The following IL10RB variants were observed in gnomAD, a reference collection of about 807,000 sequenced individuals.
IL10RB encodes interleukin 10 receptor subunit beta.
Under a neutral mutation model 38.7 loss-of-function variants are expected in IL10RB, and 30 were observed. The ratio of observed to expected loss-of-function variants is 0.78; its 90% CI spans 0.58 to 1.05. The LOEUF (loss-of-function observed/expected upper bound fraction) is 1.05. Ranked by LOEUF, IL10RB falls within the 50% of genes least tolerant of loss-of-function variation. The probability of loss-of-function intolerance (pLI) is 0.00; values close to 1 mark genes in which losing one functional copy is unlikely to be tolerated. For missense variants in IL10RB, 328 were observed against 397.1 expected, an observed-to-expected ratio of 0.83 and a Z score of 1.48; for synonymous variants, 142 against 145.9, an observed-to-expected ratio of 0.97 and a Z score of 0.19.
At chr21:33,284,332 T>C (rs1305534069) in intron 5 of IL10RB, among the ~76,000 whole-genome samples, 2 of 147,318 alleles carry the variant, frequency 1.4e-5, no homozygotes, top group South Asian at 2.2e-4. Flanking sequence ...ACATTTCAAA[T>C]AGCTTGCAAA....
rs368897449 is a variant in IL10RB at position 33,273,549 on chromosome 21, G to A, written c.174-3047G>A. ...TGATCAGGGTAGTGGTTGCTGAGTT[G>A]CAGTGACTGTGACAATTTCTTGAAA... On this transcript the variant is annotated intron_variant, in intron 2 of 6. Transcript: ENST00000290200. Among the ~76,000 whole-genome samples the A allele has an allele frequency of 1.4e-4, 21 of 152,296 alleles. No individual in the cohort carries two copies. In the East Asian group the frequency reaches 2.1e-3, roughly 15 times the overall value.
At chr21:33,283,051 T>C in intron 4 of IL10RB, 43 bp from the exon 5 acceptor site, 1 of 1,537,392 alleles carries the variant, frequency 6.5e-7, no homozygotes, top group Non-Finnish European at 9.0e-7. Context: ...GGTGGTGCCC[T>C]TCCACTGCTT....
chr21:33,269,737 C>T (rs890498862), intron 2 of IL10RB, among the ~76,000 whole-genome samples: 5 of 151,158 alleles, frequency 3.3e-5, no homozygotes, highest in Non-Finnish European at 5.9e-5. Context: ...CGGCTCACTG[C>T]AACCTCTGCC....
chr21:33,295,643 GC>G, intron 6 of IL10RB, among the ~76,000 whole-genome samples: 1 of 134,076 alleles, frequency 7.5e-6, no homozygotes, highest in Middle Eastern at 4.8e-3. Flanking sequence ...CTGCACTCCA[GC>G]CCAGACGACA....
chr21:33,268,090 C>A, intron 1 of IL10RB: 1 of 590,112 alleles, frequency 1.7e-6, no homozygotes, highest in Non-Finnish European at 2.6e-6. Context: ...TTTGTTTTTA[C>A]GTCTGGAAAT....
At chr21:33,298,632 A>G (rs957602713), downstream of IL10RB, among the ~76,000 whole-genome samples, 1 of 152,100 alleles carries the variant, frequency 6.6e-6, no homozygotes, top group Non-Finnish European at 1.5e-5. Flanking sequence ...TAAATAAATA[A>G]TAAAATAAAA....
chr21:33,274,962 C>T (rs1368370657), intron 2 of IL10RB, among the ~76,000 whole-genome samples: 1 of 152,148 alleles, frequency 6.6e-6, no homozygotes, highest in Non-Finnish European at 1.5e-5. Flanking sequence ...AAGGTTGTTT[C>T]ATCTACATTA....
At chr21:33,297,852 AAAAG>A (rs1438986582), downstream of IL10RB, among the ~76,000 whole-genome samples, 4 of 152,080 alleles carry the variant, frequency 2.6e-5, no homozygotes, top group Admixed American at 2.6e-4. Context: ...GAAAAAAAAG[AAAAG>A]AAAGAGAAAA....
chr21:33,268,982 A>G (rs1568902494), intron 2 of IL10RB, among the ~76,000 whole-genome samples: 1 of 152,192 alleles, frequency 6.6e-6, no homozygotes, highest in Non-Finnish European at 1.5e-5. Context: ...TTGCTACCAT[A>G]TATCACCTGT....
intron 1 of IL10RB, among the ~76,000 whole-genome samples, chr21:33,303,350 C>CTTTTTTTTTT (rs11340111): frequency 2.7e-5 from 3 of 109,970 alleles, no homozygotes; most frequent in African/African-American, 3.6e-5. Flanking sequence ...CTGTTACTTT[C>CTTTTTTTTTT]TTTTTTTTTT....
chr21:33,268,480 G>C lies in IL10RB; in HGVS notation c.136G>C (p.Ala46Pro). 1.2e-6 allele frequency: 2 copies of C among 1,614,090 alleles called. No homozygotes were observed. The highest frequency in any genetic ancestry group is 1.1e-5 in the South Asian group (1 of 91,072). Residue 46 changes from alanine (A) to proline (P), a missense_variant, in exon 2 of 7, where the codon GCC (alanine) becomes CCC (proline). Ala to Pro is a conservative substitution (Grantham distance 27). Transcript: ENST00000290200. Reference sequence around the variant, plus strand: ...TCTACAGTGGGAGTCACCTGCTTTTGCCAAAGGGAACCTGACTTTCACAGC... The same window carrying C: ...TCTACAGTGGGAGTCACCTGCTTTTCCCAAAGGGAACCTGACTTTCACAGC... ...NILQWESPAF[A>P]KGNLTFTAQY...
chr21:33,282,709 C>T (rs960157555), intron 4 of IL10RB, among the ~76,000 whole-genome samples: 14 of 152,040 alleles, frequency 9.2e-5, no homozygotes, highest in African/African-American at 2.9e-4. Flanking sequence ...CCACCACGCC[C>T]GGCTAATTTT....
At chr21:33,268,304 T>C (rs1989011054) in intron 1 of IL10RB, 90 bp from the exon 2 acceptor site, 1 of 1,595,962 alleles carries the variant, frequency 6.3e-7, no homozygotes, top group African/African-American at 1.3e-5. Flanking sequence ...CATGGAGCCA[T>C]AGAGGAGAAC....
rs148988057 is a variant in IL10RB, at chr21:33,278,163, G to A, written c.331+1410G>A. Among the ~76,000 whole-genome samples the A allele has an allele frequency of 2.5e-3, 381 of 152,076 alleles. 1 individual carries two copies. Among genetic ancestry groups the A allele is most frequent in the African/African-American group, 8.4e-3 (350 of 41,500 alleles). ...GCCTGGGAAGTCAAGGCTGCAGTGA[G>A]CCATTATCACACCACTGCACTCCAG... On this transcript the variant is annotated intron_variant, in intron 3 of 6. Coordinates refer to ENST00000290200, the MANE Select transcript of IL10RB (RefSeq NM_000628.5).
chr21:33,277,754 CTGCCTCCAGGGTTCAAA>C (rs1193943380), intron 3 of IL10RB, among the ~76,000 whole-genome samples: 1 of 140,658 alleles, frequency 7.1e-6, no homozygotes, highest in Non-Finnish European at 1.5e-5. Flanking sequence ...TCACTGCAAA[CTGCCTCCAGGGTTCAAA>C]TGATTCTCGT....
intron 5 of IL10RB, 66 bp downstream of exon 5, chr21:33,283,307 G>T: frequency 1.3e-6 from 2 of 1,482,482 alleles, no homozygotes; most frequent in South Asian, 2.3e-5. Context: ...CCCTAGACAT[G>T]ATTGCATCCA....
intron 3 of IL10RB, among the ~76,000 whole-genome samples, chr21:33,278,408 G>T (rs916451066): frequency 3.3e-5 from 5 of 152,162 alleles, no homozygotes; most frequent in African/African-American, 9.7e-5. Context: ...ATCAAAGTTA[G>T]ATTATATTTT....
intron 2 of IL10RB, among the ~76,000 whole-genome samples, chr21:33,272,464 T>C (rs1989098814): frequency 6.6e-6 from 1 of 152,222 alleles, no homozygotes; most frequent in Non-Finnish European, 1.5e-5. Flanking sequence ...AATTAAATTT[T>C]TTGAGACAGT....
intron 3 of IL10RB, among the ~76,000 whole-genome samples, chr21:33,278,742 G>C (rs1412843030): frequency 3.3e-5 from 5 of 152,220 alleles, no homozygotes; most frequent in Non-Finnish European, 5.9e-5. Context: ...ATAGGAAAGT[G>C]TTTCCAGGCA....
Sources: allele counts gnomAD v4.1 joint callset (sites outside exome capture counted in the v4.1 genomes callset), GRCh38; gene constraint gnomAD v4.1.1; transcripts MANE v1.5; gene names NCBI Gene and HGNC (gene_info 2026-07-23, HGNC 2026-07-21).